Variants in MFSD6 observed in about 807,000 individuals in gnomAD.
MFSD6 encodes the protein major facilitator superfamily domain-containing protein 6.
A neutral mutation model predicts 56.3 loss-of-function variants in MFSD6; 26 were observed. The observed-to-expected ratio is 0.46, with a 90% CI of 0.34 to 0.64. The LOEUF (loss-of-function observed/expected upper bound fraction) is 0.64, where lower values mean the gene tolerates loss of function less well. MFSD6 is among the 30% of genes least tolerant of loss of function. The pLI is 0.01. For missense variants in MFSD6, 750 were observed against 986.2 expected (o/e 0.76, Z 3.21); for synonymous variants, 331 against 366.9 (o/e 0.90, Z 1.12).
chr2:190,430,924 C>T (rs1413688601), intron 2 of MFSD6, among the ~76,000 whole-genome samples: 12 of 149,150 alleles, frequency 8.0e-5, no homozygotes, highest in East Asian at 2.0e-4. Context: ...GGCTGCCGGG[C>T]GGAGGGGCTC....
At chr2:190,419,384 T>C (rs553793648) in intron 2 of MFSD6, among the ~76,000 whole-genome samples, 6 of 152,350 alleles carry the variant, frequency 3.9e-5, no homozygotes, top group Admixed American at 3.3e-4. Context: ...CAATAACAGT[T>C]GACAAGACAG....
intron 3 of MFSD6, among the ~76,000 whole-genome samples, chr2:190,464,136 A>G (rs1227502990): frequency 6.6e-6 from 1 of 152,200 alleles, no homozygotes; most frequent in Non-Finnish European, 1.5e-5. Context: ...CCTTGTATGC[A>G]TTGGTGTGCG....
At chr2:190,411,594 A>T (rs1305392332) in intron 1 of MFSD6, 2 of 979,110 alleles carry the variant, frequency 2.0e-6, no homozygotes, top group Admixed American at 1.2e-4. Flanking sequence ...TAAACTAAAA[A>T]GGAAAACAAA....
At chr2:190,411,978 AT>A in intron 1 of MFSD6, 1 of 985,332 alleles carries the variant, frequency 1.0e-6, no homozygotes, top group Non-Finnish European at 1.2e-6. Flanking sequence ...GGAGAAACCA[AT>A]TTACCTGCTG....
intron 4 of MFSD6, among the ~76,000 whole-genome samples, chr2:190,480,930 A>G (rs752237213): frequency 2.0e-5 from 3 of 152,230 alleles, no homozygotes; most frequent in Non-Finnish European, 4.4e-5. Flanking sequence ...AAAAGATCCT[A>G]TTCTAAGGAG....
chr2:190,419,824 G>T (rs1685542909), intron 2 of MFSD6, among the ~76,000 whole-genome samples: 1 of 152,152 alleles, frequency 6.6e-6, no homozygotes, highest in African/African-American at 2.4e-5. Context: ...GTAGGTACTG[G>T]TAGCATAGCT....
At chr2:190,435,009 T>C (rs1222101437) in intron 2 of MFSD6, among the ~76,000 whole-genome samples, 2 of 152,168 alleles carry the variant, frequency 1.3e-5, no homozygotes, top group Non-Finnish European at 2.9e-5. Flanking sequence ...GTGCTCCTTA[T>C]GAGAACCTAA....
chr2:190,437,266 A>G lies in MFSD6; in HGVS notation c.1237A>G (p.Arg413Gly). 1 of 1,614,192 alleles carries G rather than the reference A, an allele frequency of 6.2e-7. No homozygotes were observed. The highest frequency in any genetic ancestry group is 8.5e-7 in the Non-Finnish European group (1 of 1,180,028). ...AGAGGTGGAGATCCCGCAGGTGGAAAGGAACAACTCTACAGAGTCCTCTGA... is the reference window on the plus strand; with the variant it reads ...AGAGGTGGAGATCCCGCAGGTGGAAGGGAACAACTCTACAGAGTCCTCTGA... ...GKEVEIPQVE[R>G]NNSTESSEET... The change falls in exon 3 of 8, where the codon AGG (arginine) becomes GGG (glycine). Residue 413 changes from arginine (R) to glycine (G), a missense_variant. Around this residue, in one of 5 missense-constraint regions of MFSD6, gnomAD observed 376 missense variants for 437.9 expected, o/e 0.86. Transcript: ENST00000392328. The surrounding 1 kb of genome is among the most constrained non-coding windows in gnomAD (Gnocchi z 5.9).
intron 1 of MFSD6, chr2:190,411,939 A>G (rs1172321719): frequency 1.0e-6 from 1 of 985,248 alleles, no homozygotes; most frequent in Non-Finnish European, 1.2e-6. Flanking sequence ...ATTGTTCTGT[A>G]CAGAACAATC....
At position 190,411,035 on chromosome 2, in the gene MFSD6, A is replaced by C; in HGVS notation, c.-176+2532A>C. The C allele has an allele frequency of 6.1e-6, 5 of 825,812 alleles. No homozygotes were observed. The South Asian group carries it at 2.8e-4, about 46-fold the overall frequency. The allele number at this position is 825,812 out of a possible 1,614,324, so 51.2% of individuals were successfully genotyped here. ...GCGCCACTGCACTCCAGCCTGGGCAACAGAGCGAGACTCTATCTCAAAAAA... is the reference window on the plus strand; with the variant it reads ...GCGCCACTGCACTCCAGCCTGGGCACCAGAGCGAGACTCTATCTCAAAAAA... On this transcript the variant is annotated intron_variant, in intron 1 of 7. Transcript: ENST00000392328.
In MFSD6 at chr2:190,488,578, T is replaced by C. The variant is rs919163965; in HGVS notation, c.1631-79T>C. 1.5e-5 allele frequency: 19 copies of C among 1,243,160 alleles called. No individual in the cohort carries two copies. The Admixed American group carries it at 4.5e-4, about 29-fold the overall frequency. 77.0% of individuals were successfully genotyped at this position (1,243,160 alleles called of 1,614,324 possible). ...ACAAATCTTAAAAATAGGTGCCTAG[T>C]TAAATAATTCACATTTCAAAACAGA... On this transcript the variant is annotated intron_variant, in intron 4 of 7. Coordinates refer to ENST00000392328, the MANE Select transcript of MFSD6 (RefSeq NM_017694.4). The surrounding 1 kb of genome is among the most constrained non-coding windows in gnomAD (Gnocchi z 6.4).
chr2:190,412,913 C>T lies in MFSD6; in HGVS notation c.-175-2379C>T, dbSNP rs942123839. ...TTGGCTGGGCAACTTTTGGAATCTA[C>T]CAGTCATTTGTTCAGACAAGTGATG... On this transcript the variant is annotated intron_variant, in intron 1 of 7. Coordinates refer to ENST00000392328, the MANE Select transcript of MFSD6 (RefSeq NM_017694.4). This position sits in a 1 kb window ranked among gnomAD's most constrained non-coding sequence, Gnocchi z 4.1. Among the ~76,000 whole-genome samples, 2 of 152,132 alleles carry T rather than the reference C, an allele frequency of 1.3e-5. No homozygotes were observed. Among genetic ancestry groups the T allele is most frequent in the Non-Finnish European group, 2.9e-5 (2 of 68,030 alleles).
At position 190,417,916 on chromosome 2, in the gene MFSD6, T is replaced by C. The variant is rs1440050696; in HGVS notation, c.-54+2503T>C. On this transcript the variant is annotated intron_variant, in intron 2 of 7. Transcript: ENST00000392328. This position sits in a 1 kb window ranked among gnomAD's most constrained non-coding sequence, Gnocchi z 5.7. ...TTAGTTAATAAATTATATAGGGCTATGTGGCTTTTCTTCCATTATTATTCT... is the reference window on the plus strand; with the variant it reads ...TTAGTTAATAAATTATATAGGGCTACGTGGCTTTTCTTCCATTATTATTCT... Among the ~76,000 whole-genome samples the C allele has an allele frequency of 6.6e-6, 1 of 152,136 alleles. No homozygotes were observed. The highest frequency in any genetic ancestry group is 1.5e-5 in the Non-Finnish European group (1 of 68,012).
chr2:190,411,611 C>G (rs1690570192), intron 1 of MFSD6: 2 of 978,046 alleles, frequency 2.0e-6, no homozygotes, highest in Non-Finnish European at 1.2e-6. Flanking sequence ...CAAAAGAAGA[C>G]TAGAATTAAT....
At chr2:190,407,675 C>T (rs1042828359), upstream of MFSD6, among the ~76,000 whole-genome samples, 1 of 152,152 alleles carries the variant, frequency 6.6e-6, no homozygotes, top group African/African-American at 2.4e-5. This position sits in a 1 kb window ranked among gnomAD's most constrained non-coding sequence, Gnocchi z 5.4. Context: ...GCGACACACA[C>T]GGTTGGCTTT....
At position 190,451,744 on chromosome 2, in the gene MFSD6, G is replaced by T. The variant is rs1293528605; in HGVS notation, c.1532+14183G>T. 6.6e-6 allele frequency among the ~76,000 whole-genome samples: 1 copy of T among 152,222 alleles called. No homozygotes were observed. Among genetic ancestry groups the T allele is most frequent in the South Asian group, 2.1e-4 (1 of 4,834 alleles). ...AAAACCACACATGTGAATGGCCAGG[G>T]AGAGGGTAATAAAAGGACACCAGTG... On this transcript the variant is annotated intron_variant, in intron 3 of 7. Coordinates refer to ENST00000392328, the MANE Select transcript of MFSD6 (RefSeq NM_017694.4). The surrounding 1 kb of genome is among the most constrained non-coding windows in gnomAD (Gnocchi z 5.0).
rs1686099572 is a variant in MFSD6, at chr2:190,434,203, A to G, written c.-53-1774A>G. Among the ~76,000 whole-genome samples the G allele has an allele frequency of 6.6e-6, 1 of 151,916 alleles. No individual in the cohort carries two copies. Among genetic ancestry groups the G allele is most frequent in the South Asian group, 2.1e-4 (1 of 4,812 alleles). On this transcript the variant is annotated intron_variant, in intron 2 of 7. Coordinates refer to ENST00000392328, the MANE Select transcript of MFSD6 (RefSeq NM_017694.4). This position sits in a 1 kb window ranked among gnomAD's most constrained non-coding sequence, Gnocchi z 4.3. ...CTCTCAAAAAAAAAAAAAGAAAAAA[A>G]AGAAAAGAAGGTGAAAGGAATTAAC...
rs372692405 is a variant in MFSD6, at chr2:190,477,459, G to A, written c.1630+7604G>A. The A allele has an allele frequency of 6.7e-6, 5 of 745,982 alleles. No individual in the cohort carries two copies. The East Asian group carries it at 5.2e-4, about 78-fold the overall frequency. 46.2% of individuals were successfully genotyped at this position (745,982 alleles called of 1,614,324 possible). A position where few individuals can be genotyped will look rare whatever the true frequency, so the allele number is the denominator to read the frequency against. ...TTTTTATCCTTTTAGTTTAAAATGA[G>A]TTAGGTGGAAAAGGACGGTTTCCAT... On this transcript the variant is annotated intron_variant, in intron 4 of 7. Coordinates refer to ENST00000392328, the MANE Select transcript of MFSD6 (RefSeq NM_017694.4).
rs1689995085 is a variant in MFSD6 at position 190,500,956 on chromosome 2, AAGCGATTATTTC to A, written c.*740_*751del. On this transcript the variant is annotated 3_prime_UTR_variant, in exon 8 of 8. Transcript: ENST00000392328. The surrounding 1 kb of genome is among the most constrained non-coding windows in gnomAD (Gnocchi z 5.3). The stretch of plus-strand genomic sequence containing the variant: ...GGGCTTTGAGAAAAAAAACAGAAAC[AAGCGATTATTTC>A]AAATCAACCAACCAACTCAGTATCC... 6.6e-6 allele frequency: 1 copy of A among 152,232 alleles called. No individual in the cohort carries two copies. The highest frequency in any genetic ancestry group is 1.5e-5 in the Non-Finnish European group (1 of 68,038). The allele number at this position is 152,232 out of a possible 1,614,324, so 9.4% of individuals were successfully genotyped here.
Sources: gnomAD v4.1 joint callset for allele counts (sites outside exome capture counted in the v4.1 genomes callset) on GRCh38, gnomAD v4.1.1 for gene constraint, gnomAD v4.1.1 regional missense constraint, Gnocchi (gnomAD v3.1) non-coding constraint, MANE v1.5 for transcripts, NCBI Gene and HGNC (gene_info 2026-07-23, HGNC 2026-07-21) for gene names.